Variants in NHSL1 observed in about 807,000 individuals in gnomAD.
The protein encoded by NHSL1 is NHS-like protein 1.
In NHSL1, 48 loss-of-function variants were observed where a neutral mutation model predicts 95.0. The observed-to-expected ratio is 0.51, with a 90% CI of 0.40 to 0.64. The LOEUF (loss-of-function observed/expected upper bound fraction) is 0.64. NHSL1 is among the 30% of genes least tolerant of loss of function. NHSL1 has a pLI of 0.00. For synonymous variants in NHSL1, 783 were observed against 833.9 expected (o/e 0.94, Z 1.05); for missense variants, 1,971 against 2,077.7 (o/e 0.95, Z 1.00).
chr6:138,572,668 A>G (rs1230550600), upstream of NHSL1: 1 of 152,238 alleles, frequency 6.6e-6, no homozygotes, highest in Non-Finnish European at 1.5e-5. Context: ...TGGAGACAGA[A>G]AACCCCGCCT....
At chr6:138,556,735 T>C (rs776020411) in intron 1 of NHSL1, among the ~76,000 whole-genome samples, 28 of 152,170 alleles carry the variant, frequency 1.8e-4, no homozygotes, top group South Asian at 2.1e-4. Context: ...TTCGCATTAA[T>C]GAGGCTCAAA....
At chr6:138,604,355 TC>T (rs1784407347) in intron 1 of NHSL1, among the ~76,000 whole-genome samples, 1 of 152,150 alleles carries the variant, frequency 6.6e-6, no homozygotes, top group Non-Finnish European at 1.5e-5. Context: ...AAGGCAGCAG[TC>T]CTTAAACTTC....
chr6:138,666,042 G>A (rs1583472115), intron 1 of NHSL1, among the ~76,000 whole-genome samples: 2 of 152,228 alleles, frequency 1.3e-5, no homozygotes, highest in East Asian at 3.9e-4. Context: ...AGTGGCTCAC[G>A]CCTGCAATCC....
At chr6:138,625,486 G>A (rs1464856188) in intron 1 of NHSL1, among the ~76,000 whole-genome samples, 1 of 151,896 alleles carries the variant, frequency 6.6e-6, no homozygotes, top group Non-Finnish European at 1.5e-5. Flanking sequence ...TCACACTTCT[G>A]GTCTAGAACT....
rs375216185 is a variant in NHSL1, at chr6:138,659,301, C to T, written c.96+33175G>A. ...CTGACCTCAGGTGATCCGCCTGCCT[C>T]GGCCTCCCAAAGTGGTGGCATTACA... On this transcript the variant is annotated intron_variant, in intron 1 of 3. Coordinates refer to the NHSL1 transcript ENST00000491526. Among the ~76,000 whole-genome samples, 60 of 152,092 alleles carry T rather than the reference C, an allele frequency of 3.9e-4. No homozygotes were observed. The East Asian group carries it at 8.3e-3, about 21-fold the overall frequency.
upstream of NHSL1, among the ~76,000 whole-genome samples, chr6:138,546,212 A>G (rs897130008): frequency 2.6e-5 from 4 of 152,024 alleles, no homozygotes; most frequent in African/African-American, 9.7e-5. Context: ...GTCTACGTAA[A>G]TGAGTGAATA....
chr6:138,559,600 C>T (rs545632967), intron 1 of NHSL1, among the ~76,000 whole-genome samples: 1 of 152,254 alleles, frequency 6.6e-6, no homozygotes, highest in African/African-American at 2.4e-5. Context: ...TTCTCCAACA[C>T]CAAGACAACA....
At chr6:138,563,344 C>T (rs933564738) in intron 1 of NHSL1, among the ~76,000 whole-genome samples, 8 of 152,160 alleles carry the variant, frequency 5.3e-5, no homozygotes, top group African/African-American at 1.7e-4. Context: ...TTAATCATTT[C>T]AGGATTTGAC....
chr6:138,462,844 G>A (rs1476233510), intron 3 of NHSL1, among the ~76,000 whole-genome samples: 1 of 152,204 alleles, frequency 6.6e-6, no homozygotes, highest in Non-Finnish European at 1.5e-5. Flanking sequence ...TGCCAGGAAA[G>A]TGGCAGAAGA....
chr6:138,638,289 A>ATTT (rs1784914632), intron 1 of NHSL1, among the ~76,000 whole-genome samples: 2 of 152,244 alleles, frequency 1.3e-5, no homozygotes, highest in South Asian at 4.1e-4. Context: ...TTGACAGCAC[A>ATTT]ACAGAGTGAC....
chr6:138,687,555 AATT>A (rs1319100933), intron 1 of NHSL1, among the ~76,000 whole-genome samples: 9 of 152,252 alleles, frequency 5.9e-5, no homozygotes, highest in African/African-American at 1.7e-4. Context: ...AAATATGTAC[AATT>A]ATTATGTATC....
Position 138,537,614 on chromosome 6 carries a change from A to C in NHSL1, c.16+8009T>G, listed in dbSNP as rs147098228. Among the ~76,000 whole-genome samples, 882 of 152,304 alleles carry C rather than the reference A, an allele frequency of 5.8e-3. 22 individuals carry two copies. Among genetic ancestry groups the C allele is most frequent in the Admixed American group, 0.048 (739 of 15,296 alleles). On this transcript the variant is annotated intron_variant, in intron 1 of 4. Coordinates refer to the NHSL1 transcript ENST00000342260. ...AGCTTTACTTAATCCTCAATATTTT[A>C]TTAGGCAGATCCATTCTCAGAGCTA... is the stretch of plus-strand genomic sequence containing the variant.
chr6:138,545,072 C>T (rs1782736650), intron 1 of NHSL1, among the ~76,000 whole-genome samples: 1 of 136,948 alleles, frequency 7.3e-6, no homozygotes, highest in African/African-American at 2.6e-5. Flanking sequence ...CTCACTGCAA[C>T]ATCCAACTCC....
chr6:138,643,218 T>C (rs1238939227), intron 1 of NHSL1, among the ~76,000 whole-genome samples: 3 of 152,244 alleles, frequency 2.0e-5, no homozygotes, highest in Non-Finnish European at 4.4e-5. Context: ...TATCGTTAGT[T>C]CCTTTTCTAA....
intron 1 of NHSL1, among the ~76,000 whole-genome samples, chr6:138,581,886 A>C (rs980366782): frequency 1.4e-5 from 2 of 139,890 alleles, no homozygotes; most frequent in Non-Finnish European, 3.0e-5. Flanking sequence ...TTGAGGTTCT[A>C]CTTTTTCTTT....
chr6:138,454,242 GTAT>G (rs537234141), intron 3 of NHSL1, among the ~76,000 whole-genome samples: 152 of 152,180 alleles, frequency 1.0e-3, no homozygotes, highest in Non-Finnish European at 1.7e-3. Flanking sequence ...TACAAAAATA[GTAT>G]TATTCTCTTT....
chr6:138,603,675 TC>T (rs1784398383), intron 1 of NHSL1, among the ~76,000 whole-genome samples: 1 of 152,168 alleles, frequency 6.6e-6, no homozygotes, highest in South Asian at 2.1e-4. Flanking sequence ...TAGTCCAAAC[TC>T]CCCTTCTCGT....
chr6:138,602,390 G>A lies in NHSL1; in HGVS notation c.96+90086C>T, dbSNP rs190613156. On this transcript the variant is annotated intron_variant, in intron 1 of 3. Coordinates refer to the NHSL1 transcript ENST00000491526. ...CAGAGTCTCACTCTGTCTTCAGGCT[G>A]GAGTGTAGTGGTACTATCTCAGCTC... 1.9e-3 allele frequency among the ~76,000 whole-genome samples: 291 copies of A among 152,250 alleles called. 1 individual carries two copies. Among genetic ancestry groups the A allele is most frequent in the Non-Finnish European group, 2.9e-3 (197 of 68,022 alleles).
intron 2 of NHSL1, among the ~76,000 whole-genome samples, chr6:138,487,599 A>G (rs983443662): frequency 2.6e-5 from 4 of 152,242 alleles, no homozygotes; most frequent in Non-Finnish European, 5.9e-5. Context: ...TATTACCCTT[A>G]AACAGTTAAG....
Sources: gnomAD v4.1 joint callset for allele counts (sites outside exome capture counted in the v4.1 genomes callset) on GRCh38, gnomAD v4.1.1 for gene constraint, MANE v1.5 for transcripts, NCBI Gene and HGNC (gene_info 2026-07-23, HGNC 2026-07-21) for gene names.